The following VPS37A variants were observed in gnomAD, a reference collection of about 807,000 sequenced individuals.
VPS37A encodes the protein VPS37A subunit of ESCRT-I, also known as vacuolar protein sorting-associated protein 37A.
Under a neutral mutation model 49.8 loss-of-function variants are expected in VPS37A, and 30 were observed. The ratio of observed to expected loss-of-function variants is 0.60; its 90% CI spans 0.45 to 0.82. The LOEUF (loss-of-function observed/expected upper bound fraction) is 0.82, where lower values mean the gene tolerates loss of function less well. VPS37A is among the 40% of genes least tolerant of loss of function. The pLI is 0.00. For missense variants in VPS37A, 593 were observed against 464.4 expected (o/e 1.28, Z -2.55); for synonymous variants, 195 against 160.6 (o/e 1.21, Z -1.62).
the VPS37A span, among the ~76,000 whole-genome samples, chr8:17,320,021 C>T: frequency 6.6e-6 from 1 of 152,092 alleles, no homozygotes. Flanking sequence ...AGGCATGCTA[C>T]ACACAAAAAA....
intron 9 of VPS37A, among the ~76,000 whole-genome samples, chr8:17,281,750 C>T (rs894715820): frequency 6.6e-6 from 1 of 151,938 alleles, no homozygotes; most frequent in African/African-American, 2.4e-5. Flanking sequence ...TTCCTGTTTG[C>T]TCCAGCAATT....
chr8:17,281,349 T>C (rs1815037299), intron 9 of VPS37A, among the ~76,000 whole-genome samples: 2 of 152,038 alleles, frequency 1.3e-5, no homozygotes, highest in African/African-American at 4.8e-5. Context: ...GTTAGGAGTG[T>C]AACCTAAGCA....
At chr8:17,287,560 C>T (rs1236340387) in intron 11 of VPS37A, among the ~76,000 whole-genome samples, 2 of 151,916 alleles carry the variant, frequency 1.3e-5, no homozygotes, top group Non-Finnish European at 2.9e-5. Flanking sequence ...CACCTGTAGT[C>T]TCAGCTACTC....
At chr8:17,288,011 A>G (rs921473945) in intron 11 of VPS37A, among the ~76,000 whole-genome samples, 1 of 152,210 alleles carries the variant, frequency 6.6e-6, no homozygotes, top group Non-Finnish European at 1.5e-5. Context: ...TGCTCCTTGT[A>G]ACATTAGTGC....
At chr8:17,257,683 G>A (rs922022947) in intron 1 of VPS37A, among the ~76,000 whole-genome samples, 2 of 152,122 alleles carry the variant, frequency 1.3e-5, no homozygotes, top group African/African-American at 4.8e-5. Context: ...AATGTCATTG[G>A]TATTTTGCTA....
intron 1 of VPS37A, 104 bp downstream of exon 1, chr8:17,247,473 A>T (rs536072201): frequency 2.1e-6 from 3 of 1,444,516 alleles, no homozygotes; most frequent in South Asian, 1.3e-5. Context: ...CCAGCTCCTC[A>T]TGTGGTTTAC....
chr8:17,302,706 C>A (rs544899161), downstream of VPS37A, among the ~76,000 whole-genome samples: 4 of 47,898 alleles, frequency 8.4e-5, no homozygotes, highest in Non-Finnish European at 1.4e-4. Context: ...GGCAATAACC[C>A]CCCCCCCCCC....
chr8:17,289,036 C>G (rs1302009760), intron 11 of VPS37A, among the ~76,000 whole-genome samples: 4 of 152,122 alleles, frequency 2.6e-5, no homozygotes, highest in Non-Finnish European at 4.4e-5. Context: ...TGTTCATATC[C>G]TTAGCCCACT....
chr8:17,267,727 G>C (rs1813601735), intron 2 of VPS37A, among the ~76,000 whole-genome samples: 1 of 152,154 alleles, frequency 6.6e-6, no homozygotes, highest in African/African-American at 2.4e-5. Context: ...AGGTCTCACT[G>C]TGTTGCCCAG....
chr8:17,259,623 T>C (rs1448214885), intron 1 of VPS37A, among the ~76,000 whole-genome samples: 1 of 152,106 alleles, frequency 6.6e-6, no homozygotes. Context: ...TGGTGTTTCT[T>C]TATTGATTTT....
chr8:17,273,512 G>A lies in VPS37A; in HGVS notation c.417-1221G>A, dbSNP rs184030264. Among the ~76,000 whole-genome samples the A allele has an allele frequency of 1.6e-3, 248 of 152,120 alleles. 1 individual carries two copies. Among genetic ancestry groups the A allele is most frequent in the Middle Eastern group, 0.01 (3 of 294 alleles). ...CTCCCGAGTAGCTGGGACTACAGGC[G>A]CCCACCACTACGCCCAGCTAATTTT... On this transcript the variant is annotated intron_variant, in intron 4 of 11. Transcript: ENST00000324849.
chr8:17,263,896 G>A (rs746648686), intron 1 of VPS37A, among the ~76,000 whole-genome samples: 1 of 152,096 alleles, frequency 6.6e-6, no homozygotes, highest in Non-Finnish European at 1.5e-5. Context: ...AGCCAAGATC[G>A]TGTCACCACA....
chr8:17,310,959 TA>T, the VPS37A span, among the ~76,000 whole-genome samples: 3 of 152,214 alleles, frequency 2.0e-5, no homozygotes, highest in East Asian at 5.8e-4. Context: ...GATGCCCACC[TA>T]AAAAGCTCAA....
chr8:17,309,187 CA>C, the VPS37A span: 32 of 890,736 alleles, frequency 3.6e-5, no homozygotes, highest in Non-Finnish European at 5.0e-5. Flanking sequence ...ACTCAAAAAA[CA>C]AGACGATTTT....
chr8:17,320,638 C>T, the VPS37A span, among the ~76,000 whole-genome samples: 12 of 152,216 alleles, frequency 7.9e-5, no homozygotes, highest in South Asian at 2.1e-4. Flanking sequence ...GAAGACAGCA[C>T]AATCTGATGC....
chr8:17,308,268 C>A, the VPS37A span, among the ~76,000 whole-genome samples: 1 of 152,082 alleles, frequency 6.6e-6, no homozygotes, highest in South Asian at 2.1e-4. Context: ...TTTCTGTCAT[C>A]TGTCTCCTAT....
the VPS37A span, among the ~76,000 whole-genome samples, chr8:17,307,875 C>G: frequency 8.1e-6 from 1 of 123,344 alleles, no homozygotes; most frequent in Non-Finnish European, 1.7e-5. Flanking sequence ...CATCACACAC[C>G]GGGGACTGTT....
In VPS37A at chr8:17,280,455, T is replaced by C; in HGVS notation, c.969+12T>C. 6.3e-7 allele frequency: 1 copy of C among 1,582,388 alleles called. No homozygotes were observed. Among genetic ancestry groups the C allele is most frequent in the Non-Finnish European group, 8.5e-7 (1 of 1,171,198 alleles). ...ATGAACTTAGTGAGGTAAGACTGTT[T>C]ATTTTTTTCCCTTTGCCATAGATTT... On this transcript the variant is annotated intron_variant, in intron 9 of 11. Transcript: ENST00000324849.
intron 1 of VPS37A, among the ~76,000 whole-genome samples, chr8:17,265,104 C>G (rs1447028661): frequency 6.6e-6 from 1 of 152,192 alleles, no homozygotes; most frequent in African/African-American, 2.4e-5. Flanking sequence ...ACCCAAGCTA[C>G]TTCTTTCTTT....
Sources: allele counts gnomAD v4.1 joint callset (sites outside exome capture counted in the v4.1 genomes callset), GRCh38; gene constraint gnomAD v4.1.1; transcripts MANE v1.5; gene names NCBI Gene and HGNC (gene_info 2026-07-23, HGNC 2026-07-21).